Variants in ZNF765 observed in about 807,000 individuals in gnomAD.
The protein encoded by ZNF765 is zinc finger protein 765.
A neutral mutation model predicts 44.7 loss-of-function variants in ZNF765; 37 were observed. The ratio of observed to expected loss-of-function variants is 0.83; its 90% CI spans 0.64 to 1.09. ZNF765 has a LOEUF of 1.09. Ranked by LOEUF, ZNF765 falls within the 50% of genes least tolerant of loss-of-function variation. ZNF765 has a pLI of 0.00. For missense variants in ZNF765, 594 were observed against 626.1 expected (o/e 0.95, Z 0.55); for synonymous variants, 201 against 213.7 (o/e 0.94, Z 0.52).
chr19:53,406,299 G>A (rs1484060011), intron 3 of ZNF765, among the ~76,000 whole-genome samples: 1 of 151,710 alleles, frequency 6.6e-6, no homozygotes, highest in African/African-American at 2.4e-5. Flanking sequence ...AAAGTGCTGG[G>A]ATTACAGACC....
chr19:53,414,502 C>A (rs1461039631), downstream of ZNF765, among the ~76,000 whole-genome samples: 334 of 51,022 alleles, frequency 6.5e-3, 23 homozygotes, highest in Middle Eastern at 0.016. Flanking sequence ...CCCCCCCCCC[C>A]CCCCCCCGGG....
chr19:53,408,620 C>T lies in ZNF765; in HGVS notation c.1065C>T (p.Tyr355=). ...GGCTTCATACTGGAGAGAAACCTTA[C>T]AAGTGTAATGAGTGTGGCAAGACCT... ...HRRLHTGEKP[Y]KCNECGKTFS... The change falls in exon 4 of 4, where the codon TAC becomes TAT. Residue 355 remains tyrosine (Y), a synonymous_variant. Coordinates refer to ENST00000396408, the MANE Select transcript of ZNF765 (RefSeq NM_001040185.3). The T allele has an allele frequency of 1.2e-6, 2 of 1,614,020 alleles. No individual in the cohort carries two copies. Among genetic ancestry groups the T allele is most frequent in the Non-Finnish European group, 1.7e-6 (2 of 1,179,998 alleles).
At chr19:53,412,687 A>G (rs2085842637), downstream of ZNF765, among the ~76,000 whole-genome samples, 1 of 152,104 alleles carries the variant, frequency 6.6e-6, no homozygotes. Flanking sequence ...CACCCTGCTA[A>G]TTTTTGTATT....
chr19:53,398,565 T>G (rs939862177), intron 2 of ZNF765, among the ~76,000 whole-genome samples: 1 of 152,172 alleles, frequency 6.6e-6, no homozygotes, highest in African/African-American at 2.4e-5. Context: ...CAGACATGAA[T>G]GATACAAGAT....
At chr19:53,396,672 C>T (rs1177307939) in intron 1 of ZNF765, among the ~76,000 whole-genome samples, 4 of 152,164 alleles carry the variant, frequency 2.6e-5, no homozygotes, top group Non-Finnish European at 2.9e-5. Context: ...TATCTTATAA[C>T]TGTCCTTGAA....
At chr19:53,422,638 G>A (rs190398562) in intron 3 of ZNF765, among the ~76,000 whole-genome samples, 1 of 151,962 alleles carries the variant, frequency 6.6e-6, no homozygotes. Flanking sequence ...GCAGTGGCGC[G>A]ATCTTGCCTC....
intron 3 of ZNF765, among the ~76,000 whole-genome samples, chr19:53,420,811 G>A (rs931539611): frequency 9.9e-5 from 15 of 152,078 alleles, no homozygotes; most frequent in African/African-American, 3.6e-4. Flanking sequence ...AGTACCCAGG[G>A]ACACAATACC....
intron 3 of ZNF765, among the ~76,000 whole-genome samples, chr19:53,404,522 G>A (rs1447232447): frequency 6.6e-6 from 1 of 151,920 alleles, no homozygotes; most frequent in Non-Finnish European, 1.5e-5. Context: ...GTGCGATCTT[G>A]GCTAACTGCA....
chr19:53,396,989 A>G (rs550222867), intron 1 of ZNF765, among the ~76,000 whole-genome samples: 1 of 152,346 alleles, frequency 6.6e-6, no homozygotes, highest in South Asian at 2.1e-4. Context: ...AGGAGAGGTG[A>G]GGTAAGGGAG....
At chr19:53,419,675 A>C (rs1036986927) in intron 3 of ZNF765, among the ~76,000 whole-genome samples, 2 of 152,210 alleles carry the variant, frequency 1.3e-5, no homozygotes, top group Non-Finnish European at 2.9e-5. Context: ...ACAGAGATCA[A>C]AACATCCCAT....
intron 1 of ZNF765, among the ~76,000 whole-genome samples, chr19:53,395,881 G>A (rs1025167081): frequency 1.3e-5 from 2 of 152,008 alleles, no homozygotes; most frequent in African/African-American, 2.4e-5. Context: ...AAAGGGATCA[G>A]GAGACAGACG....
chr19:53,413,608 T>C (rs1488157233), downstream of ZNF765, among the ~76,000 whole-genome samples: 3 of 150,732 alleles, frequency 2.0e-5, no homozygotes, highest in Non-Finnish European at 3.0e-5. Context: ...AGGTTTTTTT[T>C]TTTTTTTTTT....
At chr19:53,415,227 G>A (rs145851784), downstream of ZNF765, among the ~76,000 whole-genome samples, 850 of 150,882 alleles carry the variant, frequency 5.6e-3, 4 homozygotes, top group African/African-American at 0.02. Context: ...CGGAAATCAC[G>A]CCATTGCACT....
rs1373420446 is a variant in ZNF765 at position 53,408,069 on chromosome 19, T to TC, written c.516dup (p.Val174GlyfsTer10). 2.5e-6 allele frequency: 4 copies of TC among 1,614,068 alleles called. No homozygotes were observed. Among genetic ancestry groups the TC allele is most frequent in the Non-Finnish European group, 1.7e-6 (2 of 1,180,026 alleles). ...AGTTGTGAAGTCTATCCACGATGCT[T>TC]CCTTGGTTTCAACAGCCCAAAGAAT... On this transcript the variant is annotated frameshift_variant, in exon 4 of 4. Transcript: ENST00000396408. LOFTEE classifies it high-confidence loss of function.
At chr19:53,415,217 C>T (rs191501765), downstream of ZNF765, among the ~76,000 whole-genome samples, 53 of 150,752 alleles carry the variant, frequency 3.5e-4, no homozygotes, top group African/African-American at 1.2e-3. Flanking sequence ...TTGGGGTAAG[C>T]GGAAATCACG....
chr19:53,399,171 G>A (rs7255360), intron 2 of ZNF765, among the ~76,000 whole-genome samples: 1 of 151,200 alleles, frequency 6.6e-6, no homozygotes, highest in East Asian at 1.9e-4. Context: ...TGCCATATTG[G>A]TGTGCTGCAC....
chr19:53,397,085 G>T (rs1335537878), intron 1 of ZNF765, among the ~76,000 whole-genome samples: 2 of 152,252 alleles, frequency 1.3e-5, no homozygotes, highest in Admixed American at 6.5e-5. Flanking sequence ...TCTAAAGAGG[G>T]ACTCGGGAGT....
Position 53,408,062 on chromosome 19 carries a change from C to G in ZNF765, c.507C>G (p.His169Gln). Residue 169 changes from histidine to glutamine, a missense_variant, in exon 4 of 4, where the codon CAC becomes CAG. By Grantham distance (24) the His-to-Gln change is conservative. This residue lies in a region of ZNF765 where 567 missense variants were observed against 572.6 expected (regional missense o/e 0.99). Transcript: ENST00000396408. ...ATAATCAAGTTGTGAAGTCTATCCA[C>G]GATGCTTCCTTGGTTTCAACAGCCC... is the stretch of plus-strand genomic sequence containing the variant. ...KIDNQVVKSIHDASLVSTAQR... is the reference protein window; with the variant it reads ...KIDNQVVKSIQDASLVSTAQR... 1.2e-6 allele frequency: 2 copies of G among 1,614,156 alleles called. No homozygotes were observed. The highest frequency in any genetic ancestry group is 1.7e-6 in the Non-Finnish European group (2 of 1,180,016).
intron 3 of ZNF765, among the ~76,000 whole-genome samples, chr19:53,407,454 C>G (rs1007875190): frequency 6.6e-6 from 1 of 152,154 alleles, no homozygotes; most frequent in African/African-American, 2.4e-5. Flanking sequence ...CTTTAGGCTA[C>G]ACGTTTTTGT....
Sources: allele counts gnomAD v4.1 joint callset (sites outside exome capture counted in the v4.1 genomes callset), GRCh38; gene constraint gnomAD v4.1.1; regional missense constraint gnomAD v4.1.1; transcripts MANE v1.5; gene names NCBI Gene and HGNC (gene_info 2026-07-23, HGNC 2026-07-21).